CSPG4: variants seen among roughly 807,000 people sequenced by gnomAD.
The protein encoded by CSPG4 is chondroitin sulfate proteoglycan 4, also known as chondroitin sulfate proteoglycan 4 (melanoma-associated).
In CSPG4, 74 loss-of-function variants were observed where a neutral mutation model predicts 139.3. The observed-to-expected ratio is 0.53, with a 90% CI of 0.44 to 0.64. CSPG4 has a LOEUF of 0.64. CSPG4 is among the 30% of genes least tolerant of loss of function. The pLI is 0.00. For synonymous variants in CSPG4, 1,234 were observed against 1,394.2 expected (o/e 0.89, Z 2.56); for missense variants, 2,565 against 3,148.3 (o/e 0.81, Z 4.43).
In CSPG4 at chr15:75,675,730, C is replaced by A; in HGVS notation, c.6789G>T (p.Lys2263Asn). ...GKHDVQVLTA[K>N]PRNGLAGDTE... Reference sequence around the variant, plus strand: ...TGTCACCAGCCAGGCCGTTGCGGGGCTTGGCAGTCAGGACCTGGACGTCAT... The same window carrying A: ...TGTCACCAGCCAGGCCGTTGCGGGGATTGGCAGTCAGGACCTGGACGTCAT... Residue 2263 changes from lysine (K) to asparagine (N), a missense_variant, in exon 10 of 10, where the codon AAG (lysine) becomes AAT (asparagine). Lys to Asn is a moderately conservative substitution (Grantham distance 94). Transcript: ENST00000308508. The A allele has an allele frequency of 6.3e-7, 1 of 1,599,398 alleles. No homozygotes were observed.
At chr15:75,692,626 G>C (rs535196500) in intron 2 of CSPG4, among the ~76,000 whole-genome samples, 24 of 152,336 alleles carry the variant, frequency 1.6e-4, no homozygotes, top group African/African-American at 5.8e-4. Flanking sequence ...GTGCCACCGG[G>C]ATGCACAGGG....
At position 75,688,494 on chromosome 15, in the gene CSPG4, C is replaced by CA; in HGVS notation, c.2570dup (p.Thr858AspfsTer39). 1.2e-6 allele frequency: 2 copies of CA among 1,613,198 alleles called. No individual in the cohort carries two copies. Among genetic ancestry groups the CA allele is most frequent in the Non-Finnish European group, 1.7e-6 (2 of 1,180,034 alleles). On this transcript the variant is annotated frameshift_variant, in exon 3 of 10. Transcript: ENST00000308508. LOFTEE classifies it high-confidence loss of function. ...AGGCACGTGCTGTGGCCCCATAGGT[C>CA]ACCCGGCCAGCCTGTATGTCATCCT... is the stretch of plus-strand genomic sequence containing the variant.
Position 75,698,576 on chromosome 15 carries a change from C to T in CSPG4, c.89-5343G>A, listed in dbSNP as rs1461435798. Among the ~76,000 whole-genome samples, 1 of 152,070 alleles carries T rather than the reference C, an allele frequency of 6.6e-6. No individual in the cohort carries two copies. The highest frequency in any genetic ancestry group is 6.5e-5 in the Admixed American group (1 of 15,280). ...GGAATGTGGGTCAGTGTCACATGTA[C>T]ACACGTGTGTGGCGGCAAGGCAGGC... On this transcript the variant is annotated intron_variant, in intron 1 of 9. Coordinates refer to ENST00000308508, the MANE Select transcript of CSPG4 (RefSeq NM_001897.5). The surrounding 1 kb of genome is among the most constrained non-coding windows in gnomAD (Gnocchi z 4.3).
chr15:75,683,123 T>TCCAGTCCTGCTGCGGC (rs1179523005), intron 5 of CSPG4, 82 bp from the exon 6 acceptor site: 2 of 1,376,598 alleles, frequency 1.5e-6, no homozygotes, highest in East Asian at 4.9e-5. Flanking sequence ...CCACCAGGGC[T>TCCAGTCCTGCTGCGGC]CCAGTCCTGC....
At chr15:75,702,302 G>A (rs1894314625) in intron 1 of CSPG4, among the ~76,000 whole-genome samples, 1 of 152,254 alleles carries the variant, frequency 6.6e-6, no homozygotes, top group African/African-American at 2.4e-5. Flanking sequence ...CTTCGCTCAG[G>A]CTGGGCCTGC....
intron 1 of CSPG4, among the ~76,000 whole-genome samples, chr15:75,708,593 T>A (rs1894403737): frequency 6.6e-6 from 1 of 152,200 alleles, no homozygotes; most frequent in African/African-American, 2.4e-5. Context: ...CTGAGCCCAC[T>A]GGTGGGTGGT....
intron 5 of CSPG4, among the ~76,000 whole-genome samples, chr15:75,683,755 G>A (rs557762586): frequency 1.4e-4 from 22 of 152,330 alleles, no homozygotes; most frequent in Admixed American, 2.6e-4. Context: ...GGACTCACAT[G>A]CCCGGAAAAC....
chr15:75,690,572 G>T lies in CSPG4; in HGVS notation c.493C>A (p.Pro165Thr). 6.2e-7 allele frequency: 1 copy of T among 1,608,526 alleles called. No homozygotes were observed. The highest frequency in any genetic ancestry group is 8.5e-7 in the Non-Finnish European group (1 of 1,178,472). ...GLPYLRGTSR[P>T]LRGCLHAATL... ...GCTGCATGGAGGCAACCCCTCAGGG[G>T]TCGGCTGGTTCCCCTCAGGTAGGGC... Residue 165 changes from proline (P) to threonine (T), a missense_variant, in exon 3 of 10, where the codon CCC becomes ACC. Pro to Thr is a conservative substitution (Grantham distance 38, BLOSUM62 -1). Coordinates refer to ENST00000308508, the MANE Select transcript of CSPG4 (RefSeq NM_001897.5).
chr15:75,710,665 C>T (rs767854556), intron 1 of CSPG4, among the ~76,000 whole-genome samples: 1 of 152,114 alleles, frequency 6.6e-6, no homozygotes, highest in Non-Finnish European at 1.5e-5. Flanking sequence ...CCTCCCAGCA[C>T]GCCTCATTCG....
At chr15:75,680,355 C>T (rs374126517) in intron 8 of CSPG4, 5 of 152,356 alleles carry the variant, frequency 3.3e-5, no homozygotes, top group East Asian at 3.9e-4. Flanking sequence ...CCCCTGCTTT[C>T]GCTGTAAGAG....
Position 75,696,404 on chromosome 15 carries a change from G to C in CSPG4, c.89-3171C>G, listed in dbSNP as rs1175859491. Among the ~76,000 whole-genome samples the C allele has an allele frequency of 6.6e-6, 1 of 152,126 alleles. No individual in the cohort carries two copies. The highest frequency in any genetic ancestry group is 1.5e-5 in the Non-Finnish European group (1 of 68,016). The stretch of plus-strand genomic sequence containing the variant: ...TTCTCTCTCTGGAAGGCGCGTCAGT[G>C]GGCGTCCAGGGCTGTATATTAATAG... On this transcript the variant is annotated intron_variant, in intron 1 of 9. Coordinates refer to ENST00000308508, the MANE Select transcript of CSPG4 (RefSeq NM_001897.5). The surrounding 1 kb of genome is among the most constrained non-coding windows in gnomAD (Gnocchi z 4.2).
chr15:75,676,113 C>A lies in CSPG4; in HGVS notation c.6406G>T (p.Gly2136Cys). The A allele has an allele frequency of 6.5e-7, 1 of 1,535,824 alleles. No individual in the cohort carries two copies. The highest frequency in any genetic ancestry group is 8.7e-7 in the Non-Finnish European group (1 of 1,145,318). Residue 2136 changes from glycine to cysteine, a missense_variant, in exon 10 of 10, where the codon GGC becomes TGC. By Grantham distance (159) the Gly-to-Cys change is radical. Around this residue, in one of 5 missense-constraint regions of CSPG4, gnomAD observed 2,316 missense variants for 2,818.2 expected, o/e 0.82. Transcript: ENST00000308508. ...AGAGTGAGACTGTCACCTGCGGGGC[C>A]GGGGGCCCTCCCCTCTGGCCTGCCC... is the stretch of plus-strand genomic sequence containing the variant. ...EVGRPEGRAP[G>C]PAGDSLTLEL... is the part of the protein sequence containing the mutation.
At position 75,675,577 on chromosome 15, in the gene CSPG4, G is replaced by A. The variant is rs969695409; in HGVS notation, c.6942C>T (p.Ala2314=). ...ACACCCAGTACTGGCCATTCTTAAG[G>A]GCAGGGTTGGGTGTCCGGCAGAACT... The part of the protein sequence containing the change: ...LLQFCRTPNP[A]LKNGQYWV The change falls in exon 10 of 10, where the codon GCC becomes GCT. Residue 2314 remains alanine (A), a synonymous_variant. Coordinates refer to ENST00000308508, the MANE Select transcript of CSPG4 (RefSeq NM_001897.5). 1 of 1,510,454 alleles carries A rather than the reference G, an allele frequency of 6.6e-7. No homozygotes were observed. The highest frequency in any genetic ancestry group is 8.9e-7 in the Non-Finnish European group (1 of 1,129,724). 93.6% of individuals were successfully genotyped at this position (1,510,454 alleles called of 1,614,324 possible).
At chr15:75,679,687 C>G (rs934922089) in intron 8 of CSPG4, 11 of 152,130 alleles carry the variant, frequency 7.2e-5, no homozygotes, top group Non-Finnish European at 1.6e-4. Context: ...TCCCCACCCA[C>G]CCTTTTTTTT....
At chr15:75,712,871 C>T (rs1894466878), upstream of CSPG4, 1 of 825,784 alleles carries the variant, frequency 1.2e-6, no homozygotes, top group African/African-American at 1.8e-5. Flanking sequence ...GGTGTCCGCG[C>T]ACTTAACTCC....
chr15:75,679,669 T>C (rs762683791), intron 8 of CSPG4: 3 of 152,200 alleles, frequency 2.0e-5, no homozygotes, highest in Non-Finnish European at 2.9e-5. Flanking sequence ...TTTTGGCCTA[T>C]CTTTTGCTCC....
rs1286962161 is a variant in CSPG4 at position 75,702,362 on chromosome 15, C to CTT, written c.89-9131_89-9130dup. Among the ~76,000 whole-genome samples the CTT allele has an allele frequency of 4.6e-5, 7 of 152,400 alleles. No individual in the cohort carries two copies. In the South Asian group the frequency reaches 1.2e-3, roughly 27 times the overall value. On this transcript the variant is annotated intron_variant, in intron 1 of 9. Coordinates refer to ENST00000308508, the MANE Select transcript of CSPG4 (RefSeq NM_001897.5). ...TCCACCTGTGAAATGTCCTCATGCT[C>CTT]TTTCAGGAAAAAAGCCCAAAGCACC... is the stretch of plus-strand genomic sequence containing the variant.
Position 75,708,585 on chromosome 15 carries a change from G to A in CSPG4, c.88+4083C>T, listed in dbSNP as rs146148607. ...CTCTCTCTTTCCCCTGCTGGGGCCT[G>A]AGCCCACTGGTGGGTGGTTGTCCAC... On this transcript the variant is annotated intron_variant, in intron 1 of 9. Transcript: ENST00000308508. 4.8e-3 allele frequency among the ~76,000 whole-genome samples: 736 copies of A among 152,338 alleles called. 14 individuals carry two copies. Among genetic ancestry groups the A allele is most frequent in the East Asian group, 0.018 (94 of 5,186 alleles).
chr15:75,685,673 TCTGCAGGTGGCA>T lies in CSPG4; in HGVS notation c.3806_3817del (p.Val1269_Ala1272del), dbSNP rs1482795817. The T allele has an allele frequency of 5.0e-6, 8 of 1,601,816 alleles. No homozygotes were observed. Among genetic ancestry groups the T allele is most frequent in the Non-Finnish European group, 5.9e-6 (7 of 1,177,772 alleles). On this transcript the variant is annotated inframe_deletion, in exon 4 of 10. Coordinates refer to ENST00000308508, the MANE Select transcript of CSPG4 (RefSeq NM_001897.5). ...TGGGCTCTTCACTGAGAATACGATG[TCTGCAGGTGGCA>T]CTGCCTCCTGGGCTGCCTGGTTAAC...
Sources: allele counts gnomAD v4.1 joint callset (sites outside exome capture counted in the v4.1 genomes callset), GRCh38; gene constraint gnomAD v4.1.1; regional missense constraint gnomAD v4.1.1; non-coding constraint Gnocchi (gnomAD v3.1); transcripts MANE v1.5; gene names NCBI Gene and HGNC (gene_info 2026-07-23, HGNC 2026-07-21).